Variants in SNX30 observed in about 807,000 individuals in gnomAD.
SNX30 encodes the protein sorting nexin family member 30.
Under a neutral mutation model 46.4 loss-of-function variants are expected in SNX30, and 24 were observed. The ratio of observed to expected loss-of-function variants is 0.52; its 90% CI spans 0.37 to 0.73. SNX30 has a LOEUF of 0.73. Among genes scored for constraint, SNX30 ranks in the 30% least tolerant of loss-of-function variants. The pLI, the probability that SNX30 is intolerant of heterozygous loss-of-function variation, is 0.00. For missense variants in SNX30, 533 were observed against 555.7 expected (o/e 0.96, Z 0.41); for synonymous variants, 189 against 211.5 (o/e 0.89, Z 0.92).
chr9:112,832,057 T>G (rs1042450287), intron 4 of SNX30, among the ~76,000 whole-genome samples: 3 of 152,212 alleles, frequency 2.0e-5, no homozygotes, highest in Non-Finnish European at 4.4e-5. Context: ...TCGGAGAGTG[T>G]GCCGTTCTTC....
At chr9:112,819,266 CTTTTT>C (rs35138610) in intron 3 of SNX30, among the ~76,000 whole-genome samples, 1 of 116,996 alleles carries the variant, frequency 8.5e-6, no homozygotes, top group Admixed American at 1.0e-4. Context: ...TTCTTTCTTT[CTTTTT>C]TTTTTTTTTT....
intron 1 of SNX30, among the ~76,000 whole-genome samples, chr9:112,774,336 A>T (rs1468682366): frequency 6.6e-6 from 1 of 152,214 alleles, no homozygotes; most frequent in African/African-American, 2.4e-5. Context: ...GAAGATTCAA[A>T]TTACTAAAAT....
At position 112,872,682 on chromosome 9, in the gene SNX30, AT is replaced by A. The variant is rs995365100; in HGVS notation, c.*3840del. 6.6e-6 allele frequency: 1 copy of A among 152,206 alleles called. No homozygotes were observed. Among genetic ancestry groups the A allele is most frequent in the African/African-American group, 2.4e-5 (1 of 41,430 alleles). 9.4% of individuals were successfully genotyped at this position (152,206 alleles called of 1,614,324 possible). ...TTTAAGGACCTGTGGAAACTGGGTG[AT>A]CCAATTATAGGGCTGGGGCAACCCT... On this transcript the variant is annotated 3_prime_UTR_variant, in exon 9 of 9. Transcript: ENST00000374232.
intron 6 of SNX30, among the ~76,000 whole-genome samples, chr9:112,848,867 A>G (rs1840980723): frequency 6.6e-6 from 1 of 152,030 alleles, no homozygotes; most frequent in African/African-American, 2.4e-5. Context: ...GGGTTGATGC[A>G]TCTCCTCCCC....
chr9:112,776,918 C>T (rs1225417792), intron 1 of SNX30, among the ~76,000 whole-genome samples: 1 of 152,206 alleles, frequency 6.6e-6, no homozygotes, highest in East Asian at 1.9e-4. Context: ...TCTTTTCCTT[C>T]TTCCAGTTGC....
Position 112,804,087 on chromosome 9 carries a change from C to T in SNX30, c.157-689C>T, listed in dbSNP as rs1840182564. ...GTACCTCAGATGGAAATGCAGAAAT[C>T]ACCGTCTTCTGCGTCGCTCACGCTG... is the stretch of plus-strand genomic sequence containing the variant. On this transcript the variant is annotated intron_variant, in intron 1 of 8. Coordinates refer to ENST00000374232, the MANE Select transcript of SNX30 (RefSeq NM_001012994.2). Among the ~76,000 whole-genome samples, 4 of 150,842 alleles carry T rather than the reference C, an allele frequency of 2.7e-5. 1 individual carries two copies. The South Asian group carries it at 6.3e-4, about 24-fold the overall frequency.
chr9:112,867,981 G>C (rs1250557229), intron 8 of SNX30, among the ~76,000 whole-genome samples: 1 of 152,226 alleles, frequency 6.6e-6, no homozygotes, highest in Non-Finnish European at 1.5e-5. Flanking sequence ...AGAGTGTTCT[G>C]AGTTCTTGGC....
chr9:112,767,652 C>T (rs1163103183), intron 1 of SNX30, among the ~76,000 whole-genome samples: 2 of 152,018 alleles, frequency 1.3e-5, no homozygotes, highest in Non-Finnish European at 1.5e-5. Context: ...TGCAGTGATG[C>T]GATCTCGGCT....
chr9:112,774,319 A>T lies in SNX30; in HGVS notation c.156+23162A>T, dbSNP rs79728069. Among the ~76,000 whole-genome samples the T allele has an allele frequency of 9.6e-3, 1,460 of 152,314 alleles. 25 individuals carry two copies. Among genetic ancestry groups the T allele is most frequent in the African/African-American group, 0.033 (1,373 of 41,554 alleles). On this transcript the variant is annotated intron_variant, in intron 1 of 8. Coordinates refer to ENST00000374232, the MANE Select transcript of SNX30 (RefSeq NM_001012994.2). ...CAGACCTTTAGCTAGATTGACTAAG[A>T]AAAAAAGAAGATTCAAATTACTAAA...
intron 1 of SNX30, among the ~76,000 whole-genome samples, chr9:112,765,218 A>G (rs903927738): frequency 6.6e-6 from 1 of 152,226 alleles, no homozygotes; most frequent in African/African-American, 2.4e-5. Context: ...GATGGCAAGA[A>G]TAGAACAGGA....
At chr9:112,793,790 C>T (rs1049196173) in intron 1 of SNX30, among the ~76,000 whole-genome samples, 1 of 148,796 alleles carries the variant, frequency 6.7e-6, no homozygotes, top group Admixed American at 6.9e-5. Flanking sequence ...TTCTTTTTAC[C>T]TCCACTGTTT....
At chr9:112,846,585 G>A (rs1454770873) in intron 6 of SNX30, among the ~76,000 whole-genome samples, 1 of 152,208 alleles carries the variant, frequency 6.6e-6, no homozygotes, top group Non-Finnish European at 1.5e-5. Flanking sequence ...ACAGGGCTAC[G>A]TGCGTATTTT....
intron 6 of SNX30, among the ~76,000 whole-genome samples, chr9:112,845,956 A>T (rs1564289714): frequency 6.6e-6 from 1 of 152,240 alleles, no homozygotes; most frequent in Non-Finnish European, 1.5e-5. Flanking sequence ...GAAAATTTCC[A>T]GAAAAAAATG....
chr9:112,847,420 G>A (rs1840955877), intron 6 of SNX30, among the ~76,000 whole-genome samples: 1 of 149,002 alleles, frequency 6.7e-6, no homozygotes. Context: ...GAAACGTTTA[G>A]TACATATCTC....
chr9:112,878,215 A>C (rs1841538615), downstream of SNX30: 1 of 152,260 alleles, frequency 6.6e-6, no homozygotes, highest in African/African-American at 2.4e-5. Flanking sequence ...TCTGAAGAGA[A>C]ACATCTTTTT....
rs1238160901 is a variant in SNX30, at chr9:112,868,973, T to TC, written c.*133dup. On this transcript the variant is annotated 3_prime_UTR_variant, in exon 9 of 9. Transcript: ENST00000374232. ...GAAACATCTCTCCTTTGTGTATTTT[T>TC]CCCTCCCCCACCTTTCACCCCACAG... The TC allele has an allele frequency of 3.9e-5, 35 of 898,234 alleles. No homozygotes were observed. Among genetic ancestry groups the TC allele is most frequent in the Admixed American group, 1.1e-4 (6 of 52,406 alleles). The allele number at this position is 898,234 out of a possible 1,614,324, so 55.6% of individuals were successfully genotyped here.
At chr9:112,761,722 G>A (rs977520457) in intron 1 of SNX30, among the ~76,000 whole-genome samples, 3 of 152,152 alleles carry the variant, frequency 2.0e-5, no homozygotes, top group Non-Finnish European at 4.4e-5. Context: ...TGCGAGTGAA[G>A]TGTAAAGATG....
At chr9:112,787,234 A>G (rs902102532) in intron 1 of SNX30, among the ~76,000 whole-genome samples, 1 of 152,214 alleles carries the variant, frequency 6.6e-6, no homozygotes, top group African/African-American at 2.4e-5. Flanking sequence ...ATCTAAATCA[A>G]TACAACATTA....
intron 1 of SNX30, among the ~76,000 whole-genome samples, chr9:112,804,004 G>A (rs1348461007): frequency 1.5e-5 from 2 of 137,510 alleles, no homozygotes; most frequent in African/African-American, 5.5e-5. Flanking sequence ...CTCGCGCACG[G>A]TGCGCACACA....
Sources: gnomAD v4.1 joint callset for allele counts (sites outside exome capture counted in the v4.1 genomes callset) on GRCh38, gnomAD v4.1.1 for gene constraint, MANE v1.5 for transcripts, NCBI Gene and HGNC (gene_info 2026-07-23, HGNC 2026-07-21) for gene names.